Variants in TPD52 observed in about 807,000 individuals in gnomAD.
The protein encoded by TPD52 is tumor protein D52.
Under a neutral mutation model 31.3 loss-of-function variants are expected in TPD52, and 17 were observed. The ratio of observed to expected loss-of-function variants is 0.54; its 90% confidence interval spans 0.37 to 0.82. The LOEUF is 0.82. Among genes scored for constraint, TPD52 ranks in the 40% least tolerant of loss-of-function variants. The probability of loss-of-function intolerance (pLI) is 0.00; values close to 1 mark genes in which losing one functional copy is unlikely to be tolerated. For missense variants in TPD52, 212 were observed against 240.1 expected (o/e 0.88, Z 0.77); for synonymous variants, 83 against 89.6 (o/e 0.93, Z 0.42).
At chr8:80,105,155 G>A (rs1356070309) in intron 1 of TPD52, among the ~76,000 whole-genome samples, 1 of 152,068 alleles carries the variant, frequency 6.6e-6, no homozygotes, top group Non-Finnish European at 1.5e-5. Context: ...CTAGACTGGA[G>A]TGCAGAGGCA....
intron 2 of TPD52, among the ~76,000 whole-genome samples, chr8:80,062,501 C>A (rs894595559): frequency 6.6e-6 from 1 of 152,150 alleles, no homozygotes; most frequent in Non-Finnish European, 1.5e-5. Context: ...AGATATCACA[C>A]CAAAAGCACA....
At chr8:80,159,705 C>A (rs961388516) in intron 1 of TPD52, among the ~76,000 whole-genome samples, 2 of 152,100 alleles carry the variant, frequency 1.3e-5, no homozygotes, top group Admixed American at 6.5e-5. Flanking sequence ...ATACAGAAAA[C>A]AATAAATGTT....
At chr8:80,094,441 T>TATATACAC (rs1816546063) in intron 1 of TPD52, among the ~76,000 whole-genome samples, 1 of 33,372 alleles carries the variant, frequency 3.0e-5, no homozygotes, top group Non-Finnish European at 5.3e-5. Context: ...TATATATATA[T>TATATACAC]ATATATATAT....
intron 1 of TPD52, among the ~76,000 whole-genome samples, chr8:80,107,800 A>C (rs1196742719): frequency 6.6e-6 from 1 of 152,176 alleles, no homozygotes; most frequent in Admixed American, 6.5e-5. Context: ...GTGGTAAATA[A>C]AGCTAGTTTT....
intron 1 of TPD52, among the ~76,000 whole-genome samples, chr8:80,096,432 T>C (rs1816747612): frequency 6.6e-6 from 1 of 152,038 alleles, no homozygotes. Context: ...CATGTTTACA[T>C]GTACAGGCAT....
chr8:80,137,727 T>A (rs1395045199), intron 1 of TPD52, among the ~76,000 whole-genome samples: 1 of 152,140 alleles, frequency 6.6e-6, no homozygotes, highest in African/African-American at 2.4e-5. Context: ...AGTACCAAGT[T>A]TATAACGGTG....
chr8:80,070,618 T>G (rs920133269), intron 1 of TPD52, among the ~76,000 whole-genome samples: 1 of 152,142 alleles, frequency 6.6e-6, no homozygotes, highest in African/African-American at 2.4e-5. Context: ...GCGGTAATGC[T>G]CACTCGCCTG....
intron 1 of TPD52, among the ~76,000 whole-genome samples, chr8:80,076,959 G>A (rs1474885573): frequency 2.6e-5 from 4 of 151,514 alleles, no homozygotes; most frequent in African/African-American, 9.7e-5. Flanking sequence ...GATCCACTGC[G>A]CCCAGCCAAA....
chr8:80,050,303 G>T, intron 5 of TPD52, 142 bp downstream of exon 5: 1 of 639,742 alleles, frequency 1.6e-6, no homozygotes, highest in Non-Finnish European at 2.5e-6. Flanking sequence ...AATTAGGAAT[G>T]CACTAGAGAA....
At chr8:80,054,899 T>C (rs552067229) in intron 2 of TPD52, among the ~76,000 whole-genome samples, 1 of 152,256 alleles carries the variant, frequency 6.6e-6, no homozygotes, top group Admixed American at 6.5e-5. Flanking sequence ...AGATGTACAT[T>C]GACGAAGTGG....
At chr8:80,126,265 C>T (rs930746057) in intron 1 of TPD52, among the ~76,000 whole-genome samples, 2 of 151,926 alleles carry the variant, frequency 1.3e-5, no homozygotes, top group Non-Finnish European at 2.9e-5. Flanking sequence ...TGTATTATCT[C>T]AAATTCTATA....
chr8:80,070,121 C>T (rs760640726), intron 1 of TPD52, among the ~76,000 whole-genome samples: 14 of 152,204 alleles, frequency 9.2e-5, no homozygotes, highest in Middle Eastern at 6.8e-3. Flanking sequence ...GCAGCAAAAG[C>T]GTTTTTACTA....
At chr8:80,098,669 G>A (rs562709301) in intron 1 of TPD52, among the ~76,000 whole-genome samples, 5 of 152,336 alleles carry the variant, frequency 3.3e-5, no homozygotes, top group African/African-American at 7.2e-5. Flanking sequence ...TGAAGATGCC[G>A]TAAACACTGT....
In TPD52 at chr8:80,037,872, A is replaced by G. The variant is rs141101389; in HGVS notation, c.*244T>C. On this transcript the variant is annotated 3_prime_UTR_variant, in exon 8 of 8. Transcript: ENST00000518937. ...ATTATAGTGAATGTCCCCATTTACT[A>G]TAAGTGTTTTTATAATGGTGTTTCC... The G allele has an allele frequency of 8.7e-5, 34 of 389,362 alleles. No individual in the cohort carries two copies. Among genetic ancestry groups the G allele is most frequent in the African/African-American group, 4.0e-4 (20 of 50,270 alleles). The allele number at this position is 389,362 out of a possible 1,614,324, so 24.1% of individuals were successfully genotyped here. A position where few individuals can be genotyped will look rare whatever the true frequency, so the allele number is the denominator to read the frequency against.
At chr8:80,080,195 A>G (rs1326835269) in intron 1 of TPD52, 1 of 758,510 alleles carries the variant, frequency 1.3e-6, no homozygotes, top group Non-Finnish European at 2.2e-6. Flanking sequence ...CTTATTAGCT[A>G]GTTACAACCC....
intron 1 of TPD52, among the ~76,000 whole-genome samples, chr8:80,081,245 G>C (rs967661250): frequency 6.6e-6 from 1 of 150,724 alleles, no homozygotes; most frequent in Non-Finnish European, 1.5e-5. Context: ...GAAAGCTCCC[G>C]GGTATTCCCA....
intron 1 of TPD52, among the ~76,000 whole-genome samples, chr8:80,151,879 T>C (rs530204235): frequency 1.3e-5 from 2 of 152,312 alleles, no homozygotes; most frequent in African/African-American, 4.8e-5. Flanking sequence ...GTAAGATATA[T>C]TACAAGGTCA....
At chr8:80,153,556 T>C (rs1810729019) in intron 1 of TPD52, among the ~76,000 whole-genome samples, 1 of 152,256 alleles carries the variant, frequency 6.6e-6, no homozygotes, top group Non-Finnish European at 1.5e-5. Flanking sequence ...AACATTCTAC[T>C]AGAGGTTAAG....
At chr8:80,091,386 C>G (rs1376033495) in intron 1 of TPD52, among the ~76,000 whole-genome samples, 3 of 151,756 alleles carry the variant, frequency 2.0e-5, no homozygotes, top group African/African-American at 4.8e-5. Flanking sequence ...GGAGAATGGC[C>G]TGAACCCAAG....
Sources: allele counts gnomAD v4.1 joint callset (sites outside exome capture counted in the v4.1 genomes callset), GRCh38; gene constraint gnomAD v4.1.1; transcripts MANE v1.5; gene names NCBI Gene and HGNC (gene_info 2026-07-23, HGNC 2026-07-21).